The following CHRDL2 variants were observed in gnomAD, a reference collection of about 807,000 sequenced individuals.
CHRDL2 encodes the protein chordin like 2, also known as chordin-like protein 2.
CHRDL2 carries 41 observed loss-of-function variants against 54.3 expected under a neutral mutation model. That is an observed-to-expected ratio of 0.76 (90% CI 0.59 to 0.98). The LOEUF (loss-of-function observed/expected upper bound fraction) is 0.98, where lower values mean the gene tolerates loss of function less well. Ranked by LOEUF, CHRDL2 falls within the 50% of genes least tolerant of loss-of-function variation. The pLI is 0.00. For missense variants in CHRDL2, 518 were observed against 562.4 expected, an observed-to-expected ratio of 0.92 and a Z score of 0.80; for synonymous variants, 220 against 224.3, an observed-to-expected ratio of 0.98 and a Z score of 0.17.
chr11:74,714,149 CA>C (rs1450800661), intron 2 of CHRDL2, among the ~76,000 whole-genome samples: 1 of 152,006 alleles, frequency 6.6e-6, no homozygotes, highest in Non-Finnish European at 1.5e-5. Flanking sequence ...GCTCTCCAGG[CA>C]GTTTTTTTTT....
At chr11:74,710,394 C>T (rs536339137) in intron 4 of CHRDL2, among the ~76,000 whole-genome samples, 1 of 152,266 alleles carries the variant, frequency 6.6e-6, no homozygotes, top group Non-Finnish European at 1.5e-5. Context: ...CCCGGAGGTC[C>T]AGCTCTAACA....
Position 74,703,091 on chromosome 11 carries a change from C to T in CHRDL2, c.947-124G>A. On this transcript the variant is annotated intron_variant, in intron 8 of 10. Transcript: ENST00000376332. ...ACATTACTGATTCTATGTTAACAACCTCTGAATCTATTATCCTGACACCGC... is the reference window on the plus strand; with the variant it reads ...ACATTACTGATTCTATGTTAACAACTTCTGAATCTATTATCCTGACACCGC... The T allele has an allele frequency of 2.7e-6, 3 of 1,102,300 alleles. 1 individual carries two copies. The allele number at this position is 1,102,300 out of a possible 1,614,324, so 68.3% of individuals were successfully genotyped here. A position where few individuals can be genotyped will look rare whatever the true frequency, so the allele number is the denominator to read the frequency against.
rs571954101 is a variant in CHRDL2 at position 74,729,711 on chromosome 11, C to A, written c.82+1096G>T. ...AGCACCAGACTAGGAGTTGGGAACG[C>A]AGGGTCTTAATCCCAGGCTGTGCCA... On this transcript the variant is annotated intron_variant, in intron 1 of 10. Transcript: ENST00000376332. 3.3e-5 allele frequency among the ~76,000 whole-genome samples: 5 copies of A among 152,336 alleles called. No homozygotes were observed. In the East Asian group the frequency reaches 9.6e-4, roughly 29 times the overall value.
chr11:74,708,452 G>A, intron 4 of CHRDL2, 57 bp from the exon 5 acceptor site: 11 of 1,317,706 alleles, frequency 8.3e-6, no homozygotes, highest in African/African-American at 1.5e-5. Flanking sequence ...TAGCCTTGGG[G>A]GCTAGGAACA....
intron 7 of CHRDL2, among the ~76,000 whole-genome samples, chr11:74,703,857 C>G (rs940241138): frequency 6.6e-6 from 1 of 152,184 alleles, no homozygotes; most frequent in Non-Finnish European, 1.5e-5. Context: ...CCCTTTCCCC[C>G]CTCTGCCTCA....
chr11:74,717,235 G>A (rs1565156625), intron 2 of CHRDL2, among the ~76,000 whole-genome samples: 1 of 152,194 alleles, frequency 6.6e-6, no homozygotes, highest in Non-Finnish European at 1.5e-5. Context: ...CTTGGATTAG[G>A]GGGAGCAGTG....
intron 2 of CHRDL2, 54 bp from the exon 3 acceptor site, chr11:74,713,533 G>T: frequency 1.4e-6 from 2 of 1,422,714 alleles, no homozygotes; most frequent in Non-Finnish European, 9.8e-7. Flanking sequence ...TCTTCCACCT[G>T]TACCTGTCCT....
intron 1 of CHRDL2, among the ~76,000 whole-genome samples, chr11:74,729,598 A>C (rs1370385440): frequency 6.6e-6 from 1 of 152,206 alleles, no homozygotes; most frequent in Non-Finnish European, 1.5e-5. Flanking sequence ...CAGAAACAAG[A>C]CCGTAACAAA....
chr11:74,704,174 T>C (rs2033924691), intron 7 of CHRDL2, among the ~76,000 whole-genome samples: 1 of 152,198 alleles, frequency 6.6e-6, no homozygotes, highest in Non-Finnish European at 1.5e-5. Context: ...CCCATCTATC[T>C]GTTCTGTCTG....
At chr11:74,711,843 C>T (rs2034203015) in intron 3 of CHRDL2, among the ~76,000 whole-genome samples, 1 of 151,408 alleles carries the variant, frequency 6.6e-6, no homozygotes, top group Admixed American at 6.6e-5. Context: ...GAGGGTCCTG[C>T]TCTGTCACCA....
At position 74,726,381 on chromosome 11, in the gene CHRDL2, GCT is replaced by G. The variant is rs1261286411; in HGVS notation, c.82+4424_82+4425del. 4.6e-5 allele frequency among the ~76,000 whole-genome samples: 7 copies of G among 152,300 alleles called. No individual in the cohort carries two copies. In the East Asian group the frequency reaches 7.7e-4, roughly 17 times the overall value. On this transcript the variant is annotated intron_variant, in intron 1 of 10. Coordinates refer to ENST00000376332, the MANE Select transcript of CHRDL2 (RefSeq NM_001278473.3). ...GCCAGTCGTCAGATGTGGAGAGAAT[GCT>G]TACAGGGACACCCATCCCCTACTAG...
chr11:74,729,043 G>A lies in CHRDL2; in HGVS notation c.82+1764C>T, dbSNP rs138073451. ...CCGGGGAGAGTTTGCTTGAAGAGGT[G>A]TGACCTAGGCAAGGCCATGAAAGGC... On this transcript the variant is annotated intron_variant, in intron 1 of 10. Transcript: ENST00000376332. 1.7e-4 allele frequency among the ~76,000 whole-genome samples: 26 copies of A among 152,328 alleles called. No homozygotes were observed. The East Asian group carries it at 5.0e-3, about 29-fold the overall frequency.
At chr11:74,696,617 C>A (rs757576780) in intron 10 of CHRDL2, 32 bp from the exon 11 acceptor site, 1 of 1,531,148 alleles carries the variant, frequency 6.5e-7, no homozygotes, top group Non-Finnish European at 9.0e-7. Context: ...AGGGAAGAGG[C>A]GTATGTGTCT....
intron 1 of CHRDL2, among the ~76,000 whole-genome samples, chr11:74,730,138 G>T (rs2034628831): frequency 6.6e-6 from 1 of 152,152 alleles, no homozygotes; most frequent in African/African-American, 2.4e-5. Context: ...AGCGGGGCTG[G>T]GATGGTGAAG....
chr11:74,707,131 T>C (rs1039105874), intron 5 of CHRDL2, among the ~76,000 whole-genome samples: 1 of 152,174 alleles, frequency 6.6e-6, no homozygotes, highest in Non-Finnish European at 1.5e-5. Context: ...TCTCTCTCCC[T>C]ATCTCTTGCC....
intron 1 of CHRDL2, among the ~76,000 whole-genome samples, chr11:74,721,749 T>G (rs2034503394): frequency 6.6e-6 from 1 of 152,246 alleles, no homozygotes; most frequent in Admixed American, 6.5e-5. Flanking sequence ...TGTGTGACAT[T>G]CAGAGACTCA....
chr11:74,716,179 C>G (rs1299800815), intron 2 of CHRDL2, among the ~76,000 whole-genome samples: 2 of 151,840 alleles, frequency 1.3e-5, no homozygotes, highest in Non-Finnish European at 1.5e-5. Context: ...GAATGAGGTT[C>G]AAGTGTTGGA....
intron 9 of CHRDL2, chr11:74,701,557 C>T (rs1465807642): frequency 1.4e-6 from 1 of 714,914 alleles, no homozygotes; most frequent in East Asian, 2.7e-5. Flanking sequence ...TCTGACGCCA[C>T]AAGACATGGG....
chr11:74,703,184 C>A, intron 8 of CHRDL2, 121 bp downstream of exon 8: 1 of 1,244,068 alleles, frequency 8.0e-7, no homozygotes, highest in Non-Finnish European at 1.1e-6. Flanking sequence ...TGCCCTGCAT[C>A]CTGTGGCACC....
Sources: gnomAD v4.1 joint callset for allele counts (sites outside exome capture counted in the v4.1 genomes callset) on GRCh38, gnomAD v4.1.1 for gene constraint, MANE v1.5 for transcripts, NCBI Gene and HGNC (gene_info 2026-07-23, HGNC 2026-07-21) for gene names.